FAM135B: variants seen among roughly 807,000 people sequenced by gnomAD.
The protein encoded by FAM135B is protein FAM135B.
FAM135B carries 43 observed loss-of-function variants against 127.7 expected under a neutral mutation model. The observed-to-expected ratio is 0.34, with a 90% confidence interval of 0.26 to 0.43. The LOEUF (loss-of-function observed/expected upper bound fraction) is 0.43. Ranked by LOEUF, FAM135B falls within the 20% of genes least tolerant of loss-of-function variation. The pLI, the probability that FAM135B is intolerant of heterozygous loss-of-function variation, is 1.00. For missense variants in FAM135B, 1,558 were observed against 1,725.6 expected (o/e 0.90, Z 1.72); for synonymous variants, 670 against 665.1 (o/e 1.01, Z -0.11).
chr8:138,282,883 AAGTTC>A (rs1824368946), intron 3 of FAM135B, among the ~76,000 whole-genome samples: 1 of 152,114 alleles, frequency 6.6e-6, no homozygotes, highest in Admixed American at 6.5e-5. Context: ...CCACACATAA[AAGTTC>A]ATAGCAGTTT....
At chr8:138,437,289 C>T (rs548831289) in intron 1 of FAM135B, 2 of 152,304 alleles carry the variant, frequency 1.3e-5, no homozygotes, top group South Asian at 4.1e-4. Flanking sequence ...TGTCCCTACC[C>T]AAAACTCATC....
intron 2 of FAM135B, among the ~76,000 whole-genome samples, chr8:138,315,533 C>T (rs6577913): frequency 0.67 from 102,499 of 151,958 alleles, 35,717 homozygotes; most frequent in Non-Finnish European, 0.78. Flanking sequence ...ACCTTCATTG[C>T]GGCATTAGTC....
At chr8:138,486,206 C>T (rs905975072) in intron 1 of FAM135B, among the ~76,000 whole-genome samples, 43 of 151,938 alleles carry the variant, frequency 2.8e-4, no homozygotes, top group African/African-American at 9.7e-4. Context: ...TGAAAATCCA[C>T]GTAGGGTTCC....
intron 7 of FAM135B, among the ~76,000 whole-genome samples, chr8:138,201,782 T>C (rs1817138731): frequency 6.6e-6 from 1 of 151,950 alleles, no homozygotes. Context: ...AACTGGCAAA[T>C]AGAAGGTCCC....
At chr8:138,230,751 A>T (rs1819845670) in intron 7 of FAM135B, among the ~76,000 whole-genome samples, 1 of 152,052 alleles carries the variant, frequency 6.6e-6, no homozygotes, top group African/African-American at 2.4e-5. Context: ...TTTAAAGCCT[A>T]CCTCTTGCCC....
chr8:138,266,701 G>A (rs7838166), intron 3 of FAM135B, among the ~76,000 whole-genome samples: 19,003 of 146,718 alleles, frequency 0.13, 1,318 homozygotes, highest in Non-Finnish European at 0.15. Flanking sequence ...TATTGTGGGG[G>A]AACAAATGGA....
chr8:138,440,826 C>T (rs1019512064), intron 1 of FAM135B: 13 of 152,040 alleles, frequency 8.6e-5, no homozygotes, highest in African/African-American at 3.1e-4. Context: ...ACATGCAACT[C>T]AAGAGGTAGA....
intron 18 of FAM135B, 51 bp downstream of exon 18, chr8:138,138,935 T>G (rs772473976): frequency 8.8e-7 from 1 of 1,136,178 alleles, no homozygotes; most frequent in Non-Finnish European, 1.3e-6. Context: ...GTCTCAGGAG[T>G]TGAATCCCAA....
At chr8:138,175,272 C>T (rs1586686345) in intron 11 of FAM135B, among the ~76,000 whole-genome samples, 1 of 151,562 alleles carries the variant, frequency 6.6e-6, no homozygotes, top group Non-Finnish European at 1.5e-5. Context: ...GGCCCTCCCT[C>T]CCTCCCCTCT....
At chr8:138,399,957 G>C (rs370212722) in intron 1 of FAM135B, among the ~76,000 whole-genome samples, 1 of 152,178 alleles carries the variant, frequency 6.6e-6, no homozygotes, top group African/African-American at 2.4e-5. Context: ...CCCTTGGCAA[G>C]GCTATAAGGA....
At chr8:138,281,826 T>A (rs1411362104) in intron 3 of FAM135B, among the ~76,000 whole-genome samples, 1 of 152,210 alleles carries the variant, frequency 6.6e-6, no homozygotes, top group Non-Finnish European at 1.5e-5. Flanking sequence ...TTAAATTATT[T>A]TAGAGACAGG....
chr8:138,349,223 T>C (rs1829622688), intron 2 of FAM135B, among the ~76,000 whole-genome samples: 2 of 152,166 alleles, frequency 1.3e-5, no homozygotes, highest in South Asian at 2.1e-4. Context: ...TTCTTCACTG[T>C]TCAATAAGGT....
intron 19 of FAM135B, among the ~76,000 whole-genome samples, chr8:138,135,352 C>G (rs745522548): frequency 6.6e-6 from 1 of 152,268 alleles, no homozygotes; most frequent in South Asian, 2.1e-4. Flanking sequence ...CAAGTCTGAA[C>G]TGAAAACCAG....
intron 11 of FAM135B, among the ~76,000 whole-genome samples, chr8:138,175,491 T>A (rs1339870133): frequency 6.6e-6 from 1 of 152,234 alleles, no homozygotes; most frequent in African/African-American, 2.4e-5. Flanking sequence ...TAAAACAGAC[T>A]TTCTCTTCTA....
At chr8:138,273,843 C>T (rs1248027642) in intron 3 of FAM135B, among the ~76,000 whole-genome samples, 1 of 152,072 alleles carries the variant, frequency 6.6e-6, no homozygotes, top group African/African-American at 2.4e-5. Context: ...AGGTCATGGT[C>T]CCAATTATTT....
intron 1 of FAM135B, chr8:138,437,516 C>T (rs1412483354): frequency 6.6e-6 from 1 of 152,170 alleles, no homozygotes; most frequent in African/African-American, 2.4e-5. Flanking sequence ...CCCCTTATGT[C>T]ATGATTGTAA....
intron 1 of FAM135B, chr8:138,441,475 T>G (rs1199061300): frequency 2.6e-5 from 4 of 152,346 alleles, no homozygotes; most frequent in African/African-American, 7.2e-5. Flanking sequence ...GAGACCAAAC[T>G]GGAAATCTTT....
intron 7 of FAM135B, among the ~76,000 whole-genome samples, chr8:138,198,110 G>A (rs551029810): frequency 6.6e-6 from 1 of 152,232 alleles, no homozygotes; most frequent in East Asian, 1.9e-4. Flanking sequence ...GGACCCAGTG[G>A]GAGGTAATTG....
chr8:138,169,008 ACT>A (rs1220753460), intron 11 of FAM135B, among the ~76,000 whole-genome samples: 2 of 151,980 alleles, frequency 1.3e-5, no homozygotes, highest in Admixed American at 6.6e-5. Flanking sequence ...TAGCTGTGAA[ACT>A]CTGCACAGAC....
Sources: gnomAD v4.1 joint callset for allele counts (sites outside exome capture counted in the v4.1 genomes callset) on GRCh38, gnomAD v4.1.1 for gene constraint, MANE v1.5 for transcripts, NCBI Gene and HGNC (gene_info 2026-07-23, HGNC 2026-07-21) for gene names.